Variants in XXYLT1 observed in about 807,000 individuals in gnomAD.
The protein encoded by XXYLT1 is xyloside xylosyltransferase 1.
XXYLT1 carries 20 observed loss-of-function variants against 28.9 expected under a neutral mutation model. The ratio of observed to expected loss-of-function variants is 0.69; its 90% CI spans 0.49 to 1.00. XXYLT1 has a LOEUF of 1.00. XXYLT1 is among the 50% of genes least tolerant of loss of function. The pLI is 0.00. For missense variants in XXYLT1, 542 were observed against 560.1 expected (o/e 0.97, Z 0.33); for synonymous variants, 257 against 253.8 (o/e 1.01, Z -0.12).
chr3:195,164,754 AC>A (rs1721031830), intron 2 of XXYLT1, among the ~76,000 whole-genome samples: 1 of 152,218 alleles, frequency 6.6e-6, no homozygotes, highest in Admixed American at 6.5e-5. Context: ...TGTGACCATG[AC>A]CTTGTTCCAT....
intron 3 of XXYLT1, among the ~76,000 whole-genome samples, chr3:195,118,403 T>C (rs7623657): frequency 0.17 from 25,365 of 152,220 alleles, 2,271 homozygotes; most frequent in East Asian, 0.35. Context: ...GACTACACAA[T>C]GACTGCCTCC....
At chr3:195,196,598 G>A (rs750196921) in intron 2 of XXYLT1, among the ~76,000 whole-genome samples, 1 of 152,210 alleles carries the variant, frequency 6.6e-6, no homozygotes, top group Non-Finnish European at 1.5e-5. Context: ...TCAGGCAGGC[G>A]ATGAAAACAT....
In XXYLT1 at chr3:195,110,698, ATGTGTGTGG is replaced by A. The variant is rs1200398773; in HGVS notation, c.786-40596_786-40588del. Reference sequence around the variant, plus strand: ...ATGTGTGTGTGTGCTGTATGTGTGCATGTGTGTGGTGTGTGTGGTGTGTGTGTGTGTGCT... The same window carrying A: ...ATGTGTGTGTGTGCTGTATGTGTGCATGTGTGTGGTGTGTGTGTGTGTGCT... On this transcript the variant is annotated intron_variant, in intron 3 of 3. Coordinates refer to ENST00000310380, the MANE Select transcript of XXYLT1 (RefSeq NM_152531.5). Among the ~76,000 whole-genome samples the A allele has an allele frequency of 8.2e-5, 5 of 61,198 alleles. 2 individuals are homozygous for A. The highest frequency in any genetic ancestry group is 4.3e-4 in the East Asian group (1 of 2,300). The allele number at this position is 61,198 out of a possible 152,430, so 40.1% of individuals were successfully genotyped here.
At chr3:195,119,319 A>G (rs1577051221) in intron 3 of XXYLT1, among the ~76,000 whole-genome samples, 3 of 151,548 alleles carry the variant, frequency 2.0e-5, no homozygotes, top group Non-Finnish European at 4.4e-5. Context: ...AATAACATAT[A>G]TAGTGAAGCT....
chr3:195,147,512 G>A (rs1169384258), intron 3 of XXYLT1, among the ~76,000 whole-genome samples: 1 of 152,194 alleles, frequency 6.6e-6, no homozygotes, highest in Non-Finnish European at 1.5e-5. Context: ...GGAGGTTGCA[G>A]TGAGCCAAGA....
At chr3:195,106,736 A>G (rs982218305) in intron 3 of XXYLT1, among the ~76,000 whole-genome samples, 4 of 152,182 alleles carry the variant, frequency 2.6e-5, no homozygotes, top group African/African-American at 9.6e-5. Flanking sequence ...GTCCTCTTCC[A>G]CACTTCTTTC....
chr3:195,069,354 A>G lies in XXYLT1; in HGVS notation c.*361T>C. 1 of 222,906 alleles carries G rather than the reference A, an allele frequency of 4.5e-6. No homozygotes were observed. The highest frequency in any genetic ancestry group is 8.9e-6 in the Non-Finnish European group (1 of 112,692). The allele number at this position is 222,906 out of a possible 1,614,324, so 13.8% of individuals were successfully genotyped here. On this transcript the variant is annotated 3_prime_UTR_variant, in exon 4 of 4. Transcript: ENST00000310380. Reference sequence around the variant, plus strand: ...AAGGCTGTCAATTTAAATTAAATTTATATTGGTCCAAAAAAGGCCGGGTCT... The same window carrying G: ...AAGGCTGTCAATTTAAATTAAATTTGTATTGGTCCAAAAAAGGCCGGGTCT...
At chr3:195,110,087 TGAGTGTGC>T (rs1717439042) in intron 3 of XXYLT1, among the ~76,000 whole-genome samples, 1 of 55,384 alleles carries the variant, frequency 1.8e-5, no homozygotes. Context: ...GTGTGGTGTA[TGAGTGTGC>T]GTGTGTGGTG....
At chr3:195,139,055 A>T (rs183584440) in intron 3 of XXYLT1, among the ~76,000 whole-genome samples, 1 of 150,412 alleles carries the variant, frequency 6.6e-6, no homozygotes, top group Non-Finnish European at 1.5e-5. Context: ...GTGAGAGGAG[A>T]GGTGGGTGCA....
intron 2 of XXYLT1, among the ~76,000 whole-genome samples, chr3:195,211,365 G>C (rs1289483982): frequency 6.6e-6 from 1 of 152,164 alleles, no homozygotes; most frequent in Non-Finnish European, 1.5e-5. Context: ...TGCACTCCAG[G>C]CTGGGTGACA....
chr3:195,124,480 C>T lies in XXYLT1; in HGVS notation c.785+31969G>A, dbSNP rs1718515448. Among the ~76,000 whole-genome samples, 1 of 152,110 alleles carries T rather than the reference C, an allele frequency of 6.6e-6. No homozygotes were observed. Among genetic ancestry groups the T allele is most frequent in the African/African-American group, 2.4e-5 (1 of 41,400 alleles). On this transcript the variant is annotated intron_variant, in intron 3 of 3. Transcript: ENST00000310380. This position sits in a 1 kb window ranked among gnomAD's most constrained non-coding sequence, Gnocchi z 4.1. ...CCTGGCACAGAATAACTTTGTTTTCCCCTGATAATTTGTCTAGTGTTTCTA... is the reference window on the plus strand; with the variant it reads ...CCTGGCACAGAATAACTTTGTTTTCTCCTGATAATTTGTCTAGTGTTTCTA...
intron 2 of XXYLT1, among the ~76,000 whole-genome samples, chr3:195,161,296 G>A (rs114984014): frequency 1.1e-3 from 162 of 152,296 alleles, no homozygotes; most frequent in Admixed American, 1.9e-3. Flanking sequence ...GATTCGCCTC[G>A]CTCGATAGTT....
chr3:195,126,092 A>C (rs1718605205), intron 3 of XXYLT1, among the ~76,000 whole-genome samples: 1 of 152,146 alleles, frequency 6.6e-6, no homozygotes, highest in Admixed American at 6.5e-5. Context: ...GTTATTTTTC[A>C]ATTTCTGTTT....
intron 3 of XXYLT1, among the ~76,000 whole-genome samples, chr3:195,127,819 A>C (rs1286972376): frequency 6.6e-6 from 1 of 152,082 alleles, no homozygotes; most frequent in Non-Finnish European, 1.5e-5. Context: ...GCCATGTAGA[A>C]AGAGGAAGTA....
rs556273585 is a variant in XXYLT1 at position 195,237,768 on chromosome 3, T to C, written c.505-10912A>G. ...TAAAAATGTCTTCATGCTTCTCTTC[T>C]AAGGTACCGTTTCCTTTATCCTTTT... On this transcript the variant is annotated intron_variant, in intron 1 of 3. Coordinates refer to ENST00000310380, the MANE Select transcript of XXYLT1 (RefSeq NM_152531.5). Among the ~76,000 whole-genome samples the C allele has an allele frequency of 2.8e-4, 43 of 152,318 alleles. 1 individual carries two copies. The highest frequency in any genetic ancestry group is 4.4e-5 in the Non-Finnish European group (3 of 68,018).
chr3:195,136,750 G>A (rs867064650), intron 3 of XXYLT1, among the ~76,000 whole-genome samples: 43 of 152,292 alleles, frequency 2.8e-4, no homozygotes, highest in Middle Eastern at 3.4e-3. Context: ...CTCACAGGAC[G>A]CAGGGAGCTG....
chr3:195,221,892 G>A (rs542081443), intron 2 of XXYLT1, among the ~76,000 whole-genome samples: 4 of 152,244 alleles, frequency 2.6e-5, no homozygotes, highest in Admixed American at 1.3e-4. Flanking sequence ...CATGAGCAGC[G>A]AGACCAGCCG....
chr3:195,071,387 C>A (rs1714800191), intron 3 of XXYLT1, among the ~76,000 whole-genome samples: 1 of 152,194 alleles, frequency 6.6e-6, no homozygotes, highest in Non-Finnish European at 1.5e-5. Flanking sequence ...CAGGGTGGCC[C>A]TGAGGGGCCA....
chr3:195,201,579 G>C (rs1722851326), intron 2 of XXYLT1, among the ~76,000 whole-genome samples: 1 of 152,174 alleles, frequency 6.6e-6, no homozygotes, highest in Non-Finnish European at 1.5e-5. Context: ...AACTGTACTG[G>C]AGCCTCAGGT....
Sources: gnomAD v4.1 joint callset for allele counts (sites outside exome capture counted in the v4.1 genomes callset) on GRCh38, gnomAD v4.1.1 for gene constraint, Gnocchi (gnomAD v3.1) non-coding constraint, MANE v1.5 for transcripts, NCBI Gene and HGNC (gene_info 2026-07-23, HGNC 2026-07-21) for gene names.